BCAS3: variants seen among roughly 807,000 people sequenced by gnomAD.
BCAS3 encodes BCAS4/BCAS3 fusion.
A neutral mutation model predicts 116.1 loss-of-function variants in BCAS3; 53 were observed. The observed-to-expected ratio is 0.46, with a 90% confidence interval of 0.37 to 0.57. The LOEUF (loss-of-function observed/expected upper bound fraction) is 0.57, where lower values mean the gene tolerates loss of function less well. Ranked by LOEUF, BCAS3 falls within the 20% of genes least tolerant of loss-of-function variation. The probability of loss-of-function intolerance (pLI) is 0.00; values close to 1 mark genes in which losing one functional copy is unlikely to be tolerated. For synonymous variants in BCAS3, 391 were observed against 408.2 expected, an observed-to-expected ratio of 0.96 and a Z score of 0.51; for missense variants, 917 against 1,165.4, an observed-to-expected ratio of 0.79 and a Z score of 3.10.
At chr17:60,953,405 G>A (rs572566114) in intron 14 of BCAS3, among the ~76,000 whole-genome samples, 6 of 150,956 alleles carry the variant, frequency 4.0e-5, no homozygotes, top group African/African-American at 1.5e-4. Flanking sequence ...ACTATTTAAT[G>A]GGGTTTTTTG....
At chr17:61,270,132 T>G (rs1400911344) in intron 22 of BCAS3, among the ~76,000 whole-genome samples, 2 of 145,948 alleles carry the variant, frequency 1.4e-5, no homozygotes, top group African/African-American at 5.1e-5. Flanking sequence ...TTTTTTTTTT[T>G]TTTTTGAGAC....
chr17:60,921,863 G>A (rs1231750126), intron 12 of BCAS3, among the ~76,000 whole-genome samples: 1 of 151,782 alleles, frequency 6.6e-6, no homozygotes, highest in South Asian at 2.1e-4. Flanking sequence ...AGTGGCCATA[G>A]TAATATTAAA....
chr17:60,874,571 C>A, intron 8 of BCAS3, 91 bp from the exon 9 acceptor site: 1 of 844,066 alleles, frequency 1.2e-6, no homozygotes, highest in Non-Finnish European at 1.9e-6. Flanking sequence ...CACTTGTTTT[C>A]ATCTAGATGA....
Position 61,355,115 on chromosome 17 carries a change from C to T in BCAS3, c.2426-13212C>T, listed in dbSNP as rs913973174. On this transcript the variant is annotated intron_variant, in intron 22 of 23. Coordinates refer to ENST00000407086, the MANE Select transcript of BCAS3 (RefSeq NM_017679.5). This position sits in a 1 kb window ranked among gnomAD's most constrained non-coding sequence, Gnocchi z 4.2. The stretch of plus-strand genomic sequence containing the variant: ...CCGCCAGCTGGGGAGGCAGAGAGTT[C>T]GCACTCTGAGGAAACGCAGATCCTC... 1.3e-5 allele frequency: 2 copies of T among 151,682 alleles called. No homozygotes were observed. The highest frequency in any genetic ancestry group is 3.9e-4 in the East Asian group (2 of 5,122). 9.4% of individuals were successfully genotyped at this position (151,682 alleles called of 1,614,324 possible). A position where few individuals can be genotyped will look rare whatever the true frequency, so the allele number is the denominator to read the frequency against.
At position 61,129,176 on chromosome 17, in the gene BCAS3, AAGG is replaced by A. The variant is rs774114158; in HGVS notation, c.2425+44615_2425+44617del. ...GGGTATGGAGTAAGAAAGGAAATTAAAGGAGAAGGGCCAGAGATCTTACAGGCA... is the reference window on the plus strand; with the variant it reads ...GGGTATGGAGTAAGAAAGGAAATTAAAGAAGGGCCAGAGATCTTACAGGCA... On this transcript the variant is annotated intron_variant, in intron 22 of 23. Coordinates refer to ENST00000407086, the MANE Select transcript of BCAS3 (RefSeq NM_017679.5). 6.8e-4 allele frequency among the ~76,000 whole-genome samples: 103 copies of A among 152,232 alleles called. 1 individual carries two copies. The highest frequency in any genetic ancestry group is 1.2e-3 in the Non-Finnish European group (84 of 68,036).
At chr17:60,822,359 A>T (rs866792648) in intron 7 of BCAS3, among the ~76,000 whole-genome samples, 3 of 152,062 alleles carry the variant, frequency 2.0e-5, no homozygotes, top group Non-Finnish European at 1.5e-5. Context: ...TTCATTTTCA[A>T]TCCTTAATTC....
In BCAS3 at chr17:61,004,536, AG is replaced by A. The variant is rs1277551460; in HGVS notation, c.1487-11213del. On this transcript the variant is annotated intron_variant, in intron 15 of 23. Transcript: ENST00000407086. The surrounding 1 kb of genome is among the most constrained non-coding windows in gnomAD (Gnocchi z 4.8). Reference sequence around the variant, plus strand: ...ATAGTCTTGAGGTTGAAATCTGAGCAGGAACTAGAAATCTGCTAGTTGATAG... The same window carrying A: ...ATAGTCTTGAGGTTGAAATCTGAGCAGAACTAGAAATCTGCTAGTTGATAG... Among the ~76,000 whole-genome samples the A allele has an allele frequency of 6.6e-6, 1 of 152,122 alleles. No individual in the cohort carries two copies. Among genetic ancestry groups the A allele is most frequent in the Non-Finnish European group, 1.5e-5 (1 of 68,002 alleles).
intron 6 of BCAS3, among the ~76,000 whole-genome samples, chr17:60,758,244 T>C (rs1459674636): frequency 1.3e-5 from 2 of 152,222 alleles, no homozygotes; most frequent in Non-Finnish European, 2.9e-5. Context: ...CTTTTTTGAT[T>C]CTATACACAT....
intron 14 of BCAS3, among the ~76,000 whole-genome samples, chr17:60,973,991 C>A (rs904224404): frequency 5.3e-5 from 8 of 152,086 alleles, no homozygotes; most frequent in South Asian, 2.1e-4. Flanking sequence ...CTGATCAGTA[C>A]CAGAGTTATT....
chr17:61,093,219 G>A (rs1568337303), intron 22 of BCAS3, among the ~76,000 whole-genome samples: 1 of 152,022 alleles, frequency 6.6e-6, no homozygotes, highest in Non-Finnish European at 1.5e-5. Context: ...CTCCAGTCTT[G>A]AAGAGATAAC....
At chr17:60,758,555 A>AT (rs1223372188) in intron 6 of BCAS3, among the ~76,000 whole-genome samples, 1 of 151,734 alleles carries the variant, frequency 6.6e-6, no homozygotes, top group Non-Finnish European at 1.5e-5. Context: ...TAATTTTTGT[A>AT]TTTTTTGGTA....
At chr17:61,044,364 G>A (rs571795354) in intron 19 of BCAS3, among the ~76,000 whole-genome samples, 10 of 150,490 alleles carry the variant, frequency 6.6e-5, no homozygotes, top group Admixed American at 2.6e-4. Context: ...GGAGAATGGC[G>A]TGAGCCTGGG....
At chr17:60,927,358 C>A (rs143437770) in intron 13 of BCAS3, among the ~76,000 whole-genome samples, 1,787 of 152,084 alleles carry the variant, frequency 0.012, 35 homozygotes, top group African/African-American at 0.039. Flanking sequence ...CAGGTTCAAG[C>A]GATCCTTGTG....
chr17:60,798,281 C>A (rs537394851), intron 6 of BCAS3, among the ~76,000 whole-genome samples: 1 of 152,258 alleles, frequency 6.6e-6, no homozygotes, highest in South Asian at 2.1e-4. Context: ...CAATAATCCA[C>A]CATTTTAGCA....
chr17:61,206,214 G>T (rs2081113455), intron 22 of BCAS3, among the ~76,000 whole-genome samples: 1 of 152,112 alleles, frequency 6.6e-6, no homozygotes, highest in South Asian at 2.1e-4. Flanking sequence ...AGATGTATGG[G>T]GTGAGTCATA....
At chr17:60,795,320 G>A (rs1041113287) in intron 6 of BCAS3, among the ~76,000 whole-genome samples, 6 of 152,142 alleles carry the variant, frequency 3.9e-5, no homozygotes, top group African/African-American at 1.4e-4. Flanking sequence ...CTTTCTGTAG[G>A]AGTCATTAGG....
rs9904107 is a variant in BCAS3 at position 61,285,284 on chromosome 17, G to A, written c.2426-83043G>A. 0.046 allele frequency among the ~76,000 whole-genome samples: 6,762 copies of A among 148,448 alleles called. 500 individuals are homozygous for A. The highest frequency in any genetic ancestry group is 0.16 in the African/African-American group (6,329 of 38,916). On this transcript the variant is annotated intron_variant, in intron 22 of 23. Transcript: ENST00000407086. The surrounding 1 kb of genome is among the most constrained non-coding windows in gnomAD (Gnocchi z 5.4). ...TTCTTGCTAAAATGCAGCAAAGGAA[G>A]GGGAAACAAATACAACAGTGCACGG...
At position 60,684,229 on chromosome 17, in the gene BCAS3, T is replaced by C. The variant is rs75323917; in HGVS notation, c.138+193T>C. ...TGTTGTGATGACAGTGGCATAAATA[T>C]TATTCCTTAGGACTTTGCCTTCCTA... On this transcript the variant is annotated intron_variant, in intron 3 of 23. Coordinates refer to ENST00000407086, the MANE Select transcript of BCAS3 (RefSeq NM_017679.5). Among the ~76,000 whole-genome samples, 566 of 152,330 alleles carry C rather than the reference T, an allele frequency of 3.7e-3. 8 individuals carry two copies. The highest frequency in any genetic ancestry group is 0.036 in the South Asian group (173 of 4,826).
chr17:61,245,817 A>C (rs1353743990), intron 22 of BCAS3, among the ~76,000 whole-genome samples: 1 of 152,100 alleles, frequency 6.6e-6, no homozygotes, highest in Non-Finnish European at 1.5e-5. Context: ...AAAGAAAAAA[A>C]AAGAGATTGT....
Sources: allele counts gnomAD v4.1 joint callset (sites outside exome capture counted in the v4.1 genomes callset), GRCh38; gene constraint gnomAD v4.1.1; non-coding constraint Gnocchi (gnomAD v3.1); transcripts MANE v1.5; gene names NCBI Gene and HGNC (gene_info 2026-07-23, HGNC 2026-07-21).